The following PPP3CC variants were observed in gnomAD, a reference collection of about 807,000 sequenced individuals.
PPP3CC encodes protein phosphatase 3 catalytic subunit gamma.
PPP3CC carries 35 observed loss-of-function variants against 60.3 expected under a neutral mutation model. The observed-to-expected ratio is 0.58, with a 90% confidence interval of 0.44 to 0.77. The LOEUF (loss-of-function observed/expected upper bound fraction) is 0.77, where lower values mean the gene tolerates loss of function less well. PPP3CC is among the 30% of genes least tolerant of loss of function. PPP3CC has a pLI of 0.00. For missense variants in PPP3CC, 570 were observed against 628.9 expected, an observed-to-expected ratio of 0.91 and a Z score of 1.00; for synonymous variants, 206 against 224.3, an observed-to-expected ratio of 0.92 and a Z score of 0.73.
At chr8:22,521,642 C>T (rs937754990) in intron 6 of PPP3CC, among the ~76,000 whole-genome samples, 1 of 152,080 alleles carries the variant, frequency 6.6e-6, no homozygotes, top group Non-Finnish European at 1.5e-5. Flanking sequence ...CTTACGTCAC[C>T]TACAACCTAC....
chr8:22,497,249 G>A (rs773442373), intron 3 of PPP3CC, among the ~76,000 whole-genome samples: 5 of 151,872 alleles, frequency 3.3e-5, no homozygotes, highest in South Asian at 2.1e-4. Context: ...GGGTAGTCTC[G>A]AACTCCCGAC....
intron 3 of PPP3CC, chr8:22,493,014 AC>A (rs1586830311): frequency 7.8e-7 from 1 of 1,288,932 alleles, no homozygotes; most frequent in Non-Finnish European, 1.1e-6. Context: ...ACCACTTGCT[AC>A]TGGAGAGGAT....
chr8:22,451,397 A>G (rs973507994), intron 1 of PPP3CC, among the ~76,000 whole-genome samples: 4 of 152,074 alleles, frequency 2.6e-5, no homozygotes, highest in Non-Finnish European at 4.4e-5. Flanking sequence ...CGGCCTCCCA[A>G]AGTGCTGGGA....
chr8:22,495,271 A>G (rs1327451225), intron 3 of PPP3CC, among the ~76,000 whole-genome samples: 2 of 152,202 alleles, frequency 1.3e-5, no homozygotes, highest in South Asian at 2.1e-4. Flanking sequence ...TTTCATCTAA[A>G]AATATATCTT....
chr8:22,441,500 C>T (rs926612681), intron 1 of PPP3CC, 42 bp downstream of exon 1: 10 of 1,502,486 alleles, frequency 6.7e-6, no homozygotes, highest in East Asian at 2.7e-5. Flanking sequence ...CCGCGGGAAA[C>T]GGCCTTCGGC....
intron 6 of PPP3CC, among the ~76,000 whole-genome samples, chr8:22,520,656 T>C (rs1839382053): frequency 6.6e-6 from 1 of 152,202 alleles, no homozygotes; most frequent in South Asian, 2.1e-4. Context: ...GATTTCTATT[T>C]GCTTCTTTTT....
At chr8:22,443,926 A>G (rs775375805) in intron 1 of PPP3CC, among the ~76,000 whole-genome samples, 1 of 152,222 alleles carries the variant, frequency 6.6e-6, no homozygotes, top group Non-Finnish European at 1.5e-5. Flanking sequence ...ATTTATTCAC[A>G]GCTTGAAAGC....
chr8:22,532,793 G>C, intron 11 of PPP3CC, 128 bp from the exon 12 acceptor site: 1 of 554,376 alleles, frequency 1.8e-6, no homozygotes, highest in Non-Finnish European at 3.1e-6. Flanking sequence ...CTTTGAGTCA[G>C]GGAAGGCGTA....
intron 3 of PPP3CC, among the ~76,000 whole-genome samples, chr8:22,476,134 A>G (rs1837881162): frequency 6.6e-6 from 1 of 152,228 alleles, no homozygotes. Context: ...TAAAACTTAT[A>G]CTTTCCTTTT....
intron 1 of PPP3CC, among the ~76,000 whole-genome samples, chr8:22,463,255 T>C (rs770298378): frequency 2.6e-5 from 4 of 152,232 alleles, no homozygotes; most frequent in Non-Finnish European, 4.4e-5. Flanking sequence ...ATTCATTTTA[T>C]CTTCTGCTTC....
chr8:22,531,258 T>G (rs1170697876), intron 10 of PPP3CC: 37 of 1,497,516 alleles, frequency 2.5e-5, no homozygotes, highest in Non-Finnish European at 2.9e-5. Flanking sequence ...TTCTCATATT[T>G]CTGTCTTCAT....
chr8:22,474,194 C>T (rs1020426514), intron 1 of PPP3CC, among the ~76,000 whole-genome samples: 11 of 152,024 alleles, frequency 7.2e-5, no homozygotes, highest in East Asian at 3.9e-4. Context: ...GGTGCCCGGC[C>T]GAGACTTCTA....
At chr8:22,535,990 C>T (rs1348944054) in intron 12 of PPP3CC, among the ~76,000 whole-genome samples, 1 of 152,238 alleles carries the variant, frequency 6.6e-6, no homozygotes. Flanking sequence ...CCTCAGCCTC[C>T]CAAAGTGCTA....
intron 1 of PPP3CC, among the ~76,000 whole-genome samples, chr8:22,456,361 T>C (rs1586789881): frequency 6.6e-6 from 1 of 152,208 alleles, no homozygotes. Flanking sequence ...CTTGAAAAGG[T>C]TGCAGAATTT....
intron 3 of PPP3CC, among the ~76,000 whole-genome samples, chr8:22,478,287 G>A (rs532907170): frequency 6.6e-6 from 1 of 150,972 alleles, no homozygotes; most frequent in South Asian, 2.1e-4. Flanking sequence ...GAGTAGCTGG[G>A]ATTACAGGTG....
chr8:22,458,101 CAAAA>C (rs994674180), intron 1 of PPP3CC, among the ~76,000 whole-genome samples: 1 of 150,468 alleles, frequency 6.6e-6, no homozygotes, highest in African/African-American at 2.4e-5. Context: ...CACCAAAAAA[CAAAA>C]AAAACAAAAA....
At chr8:22,523,273 A>G (rs996318652) in intron 8 of PPP3CC, among the ~76,000 whole-genome samples, 2 of 152,182 alleles carry the variant, frequency 1.3e-5, no homozygotes, top group African/African-American at 2.4e-5. Context: ...TTATCTTTCT[A>G]ATCTTCAGTT....
intron 1 of PPP3CC, among the ~76,000 whole-genome samples, chr8:22,464,278 A>T (rs924928812): frequency 3.3e-5 from 5 of 152,210 alleles, no homozygotes; most frequent in African/African-American, 9.6e-5. Context: ...CCTTTAAAAA[A>T]TTTTTAATAA....
intron 3 of PPP3CC, among the ~76,000 whole-genome samples, chr8:22,480,501 C>T (rs574989782): frequency 7.2e-5 from 11 of 152,228 alleles, no homozygotes; most frequent in Middle Eastern, 3.4e-3. Context: ...TTTTTTGAGA[C>T]GGAGTCTCGC....
Sources: allele counts gnomAD v4.1 joint callset (sites outside exome capture counted in the v4.1 genomes callset), GRCh38; gene constraint gnomAD v4.1.1; transcripts MANE v1.5; gene names NCBI Gene and HGNC (gene_info 2026-07-23, HGNC 2026-07-21).